The following SLC27A6 variants were observed in gnomAD, a reference collection of about 807,000 sequenced individuals.
The protein encoded by SLC27A6 is solute carrier family 27 member 6.
In SLC27A6, 74 loss-of-function variants were observed where a neutral mutation model predicts 63.9. The observed-to-expected ratio is 1.16, with a 90% confidence interval of 0.96 to 1.40. The LOEUF is 1.40. Ranked by LOEUF, SLC27A6 falls within the 40% of genes most tolerant of loss-of-function variation. The probability of loss-of-function intolerance (pLI) is 0.00; values close to 1 mark genes in which losing one functional copy is unlikely to be tolerated. For synonymous variants in SLC27A6, 287 were observed against 260.8 expected (o/e 1.10, Z -0.97); for missense variants, 794 against 732.9 (o/e 1.08, Z -0.96).
chr5:128,991,944 T>G (rs1750997361), intron 4 of SLC27A6, among the ~76,000 whole-genome samples: 1 of 151,124 alleles, frequency 6.6e-6, no homozygotes, highest in African/African-American at 2.5e-5. Context: ...TTCTTTAACT[T>G]TATGATTTTC....
Position 129,028,385 on chromosome 5 carries a change from G to A in SLC27A6, c.1495G>A (p.Val499Ile), listed in dbSNP as rs1253021365. 6.2e-7 allele frequency: 1 copy of A among 1,611,232 alleles called. No homozygotes were observed. The highest frequency in any genetic ancestry group is 8.5e-7 in the Non-Finnish European group (1 of 1,178,024). Residue 499 changes from valine to isoleucine, a missense_variant, in exon 8 of 10, where the codon GTT becomes ATT. By Grantham distance (29) the Val-to-Ile change is conservative. Coordinates refer to ENST00000262462, the MANE Select transcript of SLC27A6 (RefSeq NM_001017372.3). ...TGTCGCAACCACTGAGGTTGCTGAT[G>A]TTATTGGAATGTTGGATTTCATACA... is the stretch of plus-strand genomic sequence containing the variant. ...ENVATTEVAD[V>I]IGMLDFIQEA...
At chr5:129,009,718 C>T (rs1451868092) in intron 4 of SLC27A6, among the ~76,000 whole-genome samples, 1 of 151,672 alleles carries the variant, frequency 6.6e-6, no homozygotes. Flanking sequence ...TCTGTTGCCC[C>T]GGCTGGAGTG....
chr5:128,967,382 ATACT>A (rs1206617706), intron 1 of SLC27A6, among the ~76,000 whole-genome samples: 1 of 152,330 alleles, frequency 6.6e-6, no homozygotes, highest in East Asian at 1.9e-4. Context: ...ATGAAAAATG[ATACT>A]TATTTGGTGT....
intron 4 of SLC27A6, among the ~76,000 whole-genome samples, chr5:128,998,117 C>CAAAAAAAAAAAAAAA (rs34463699): frequency 1.1e-5 from 1 of 89,384 alleles, no homozygotes; most frequent in East Asian, 3.4e-4. Flanking sequence ...CCCATCTCTA[C>CAAAAAAAAAAAAAAA]AAAAAAAAAA....
intron 4 of SLC27A6, among the ~76,000 whole-genome samples, chr5:129,000,193 GTCT>G (rs1315616274): frequency 6.6e-6 from 1 of 152,134 alleles, no homozygotes; most frequent in Non-Finnish European, 1.5e-5. Context: ...TATGAGGTCT[GTCT>G]TCTTCATGAA....
At chr5:128,976,267 C>G (rs577439532) in intron 1 of SLC27A6, among the ~76,000 whole-genome samples, 1 of 152,210 alleles carries the variant, frequency 6.6e-6, no homozygotes, top group East Asian at 1.9e-4. Context: ...CCAGAACTTT[C>G]AGAGGCCAAG....
intron 4 of SLC27A6, among the ~76,000 whole-genome samples, chr5:129,005,945 G>C (rs908793063): frequency 6.6e-6 from 1 of 151,536 alleles, no homozygotes; most frequent in Admixed American, 6.6e-5. Context: ...AACATTATTT[G>C]CAAAAACGGG....
At chr5:128,974,555 A>G (rs931748311) in intron 1 of SLC27A6, among the ~76,000 whole-genome samples, 2 of 152,248 alleles carry the variant, frequency 1.3e-5, no homozygotes, top group Admixed American at 6.5e-5. Flanking sequence ...TGTGAACAAT[A>G]TAAACATACT....
rs1749866673 is a variant in SLC27A6 at position 128,965,906 on chromosome 5, G to A, written c.-232G>A. 1.2e-5 allele frequency: 5 copies of A among 409,810 alleles called. 1 individual carries two copies. The highest frequency in any genetic ancestry group is 2.1e-5 in the Non-Finnish European group (5 of 235,554). The allele number at this position is 409,810 out of a possible 1,614,324, so 25.4% of individuals were successfully genotyped here. On this transcript the variant is annotated 5_prime_UTR_variant, in exon 1 of 10. In the 5' UTR this introduces an upstream ATG that the reference lacks. Transcript: ENST00000262462. ...AGGCTCCCTGCTTTCCAGCCGCCCA[G>A]TGACCCAAGCTTAATCTTCAGCACC...
chr5:129,015,815 C>T, intron 4 of SLC27A6, 70 bp from the exon 5 acceptor site: 1 of 1,113,200 alleles, frequency 9.0e-7, no homozygotes, highest in Non-Finnish European at 1.3e-6. Flanking sequence ...TGATATTTTT[C>T]ATTTAAATAA....
chr5:129,000,372 A>C (rs566887468), intron 4 of SLC27A6, among the ~76,000 whole-genome samples: 1 of 152,312 alleles, frequency 6.6e-6, no homozygotes, highest in East Asian at 1.9e-4. Context: ...TGCCTGACAC[A>C]TAGTAGATCC....
intron 4 of SLC27A6, among the ~76,000 whole-genome samples, chr5:129,003,521 A>G (rs1751416697): frequency 6.6e-6 from 1 of 152,200 alleles, no homozygotes. Context: ...AGGAAAAATG[A>G]ACAAGAAGAG....
chr5:129,014,232 A>G (rs1751817619), intron 4 of SLC27A6, among the ~76,000 whole-genome samples: 1 of 152,232 alleles, frequency 6.6e-6, no homozygotes, highest in East Asian at 1.9e-4. Context: ...CAAAGAGCTT[A>G]TTTGGAAACA....
At chr5:128,991,665 AT>A (rs1750988446) in intron 4 of SLC27A6, among the ~76,000 whole-genome samples, 1 of 151,614 alleles carries the variant, frequency 6.6e-6, no homozygotes, top group Non-Finnish European at 1.5e-5. Context: ...TTTATTTTCT[AT>A]TTTTTCTTTT....
chr5:129,015,950 GAGAGAATTTTTAGAC>G lies in SLC27A6; in HGVS notation c.1039_1053del (p.Glu347_Arg351del). The stretch of plus-strand genomic sequence containing the variant: ...GAAATGGCATACGGAGTGATGTATG[GAGAGAATTTTTAGAC>G]AGATTTGGAAATATAAAGGTGTGTG... On this transcript the variant is annotated inframe_deletion, in exon 5 of 10. Transcript: ENST00000262462. 6.2e-7 allele frequency: 1 copy of G among 1,609,174 alleles called. No individual in the cohort carries two copies. Among genetic ancestry groups the G allele is most frequent in the Non-Finnish European group, 8.5e-7 (1 of 1,178,036 alleles).
At chr5:129,026,143 C>A (rs992619305) in intron 6 of SLC27A6, among the ~76,000 whole-genome samples, 2 of 151,980 alleles carry the variant, frequency 1.3e-5, no homozygotes, top group African/African-American at 4.8e-5. Flanking sequence ...TTTTTAAGAG[C>A]ATTAAAAAGA....
At chr5:128,992,479 C>T (rs1751017959) in intron 4 of SLC27A6, among the ~76,000 whole-genome samples, 1 of 152,172 alleles carries the variant, frequency 6.6e-6, no homozygotes, top group African/African-American at 2.4e-5. Context: ...GAGCTTCTGA[C>T]CCACCTCCCT....
In SLC27A6 at chr5:128,966,677, T is replaced by A. The variant is rs1290432910; in HGVS notation, c.481+59T>A. 9 of 648,518 alleles carry A rather than the reference T, an allele frequency of 1.4e-5. No homozygotes were observed. In the East Asian group the frequency reaches 2.8e-4, roughly 20 times the overall value. 40.2% of individuals were successfully genotyped at this position (648,518 alleles called of 1,614,324 possible). A position where few individuals can be genotyped will look rare whatever the true frequency, so the allele number is the denominator to read the frequency against. On this transcript the variant is annotated intron_variant, in intron 1 of 9. Transcript: ENST00000262462. ...TGGCAGCCCACCTGCTTTCATACCC[T>A]TTTTTTTTTCTTTAGGATAATTCGT...
intron 5 of SLC27A6, among the ~76,000 whole-genome samples, chr5:129,017,314 G>T (rs1751934120): frequency 6.6e-6 from 1 of 151,472 alleles, no homozygotes; most frequent in Non-Finnish European, 1.5e-5. Flanking sequence ...CTATATATTT[G>T]GAAATAAAAC....
Sources: gnomAD v4.1 joint callset for allele counts (sites outside exome capture counted in the v4.1 genomes callset) on GRCh38, gnomAD v4.1.1 for gene constraint, MANE v1.5 for transcripts, NCBI Gene and HGNC (gene_info 2026-07-23, HGNC 2026-07-21) for gene names.